The following ARHGEF10L variants were observed in gnomAD, a reference collection of about 807,000 sequenced individuals.
ARHGEF10L encodes Rho guanine nucleotide exchange factor 10 like.
ARHGEF10L carries 69 observed loss-of-function variants against 141.2 expected under a neutral mutation model. The observed-to-expected ratio is 0.49, with a 90% confidence interval of 0.40 to 0.60. The LOEUF (loss-of-function observed/expected upper bound fraction) is 0.60, where lower values mean the gene tolerates loss of function less well. Among genes scored for constraint, ARHGEF10L ranks in the 20% least tolerant of loss-of-function variants. The probability of loss-of-function intolerance (pLI) is 0.00; values close to 1 mark genes in which losing one functional copy is unlikely to be tolerated. For synonymous variants in ARHGEF10L, 711 were observed against 718.5 expected (o/e 0.99, Z 0.17); for missense variants, 1,482 against 1,734.3 (o/e 0.85, Z 2.58).
At chr1:17,550,995 C>T (rs41530444) in intron 1 of ARHGEF10L, among the ~76,000 whole-genome samples, 6,583 of 152,068 alleles carry the variant, frequency 0.043, 493 homozygotes, top group African/African-American at 0.15. Flanking sequence ...AAGCGTCTCA[C>T]CTTATCGAAG....
At chr1:17,690,615 G>T (rs1245135281) in intron 27 of ARHGEF10L, among the ~76,000 whole-genome samples, 1 of 152,244 alleles carries the variant, frequency 6.6e-6, no homozygotes, top group East Asian at 1.9e-4. Context: ...CCTGGAGAAG[G>T]CTGGATGTAG....
rs115359073 is a variant in ARHGEF10L at position 17,622,818 on chromosome 1, G to A, written c.1021-178G>A. On this transcript the variant is annotated intron_variant, in intron 11 of 28. Transcript: ENST00000361221. ...TGGGGGTGTTGTGTGTGGCCAGTGAGGCCAGGGGTGTTATGGTGATGGAGA... is the reference window on the plus strand; with the variant it reads ...TGGGGGTGTTGTGTGTGGCCAGTGAAGCCAGGGGTGTTATGGTGATGGAGA... Among the ~76,000 whole-genome samples, 296 of 152,298 alleles carry A rather than the reference G, an allele frequency of 1.9e-3. 2 individuals are homozygous for A. The highest frequency in any genetic ancestry group is 6.8e-3 in the African/African-American group (282 of 41,576).
In ARHGEF10L at chr1:17,601,928, G is replaced by A. The variant is rs76163641; in HGVS notation, c.258-199G>A. Among the ~76,000 whole-genome samples, 25 of 152,286 alleles carry A rather than the reference G, an allele frequency of 1.6e-4. No homozygotes were observed. In the East Asian group the frequency reaches 4.3e-3, roughly 26 times the overall value. On this transcript the variant is annotated intron_variant, in intron 4 of 28. Coordinates refer to ENST00000361221, the MANE Select transcript of ARHGEF10L (RefSeq NM_018125.4). ...GTTGATCTTCATGCTCTTGTGAAGT[G>A]CCAGCCCAACCTTATGCACGCCTTC...
In ARHGEF10L at chr1:17,648,580, T is replaced by G. The variant is rs2061730040; in HGVS notation, c.2299T>G (p.Cys767Gly). The stretch of plus-strand genomic sequence containing the variant: ...GGAGGAGAACCAGCCAGGCTGGCTA[T>G]GCCCGGATGAGGACAAGAAGAGCAA... ...LREENQPGWL[C>G]PDEDKKSKAP... Residue 767 changes from cysteine (C) to glycine (G), a missense_variant, in exon 22 of 29, where the codon TGC becomes GGC. Physicochemically the swap from Cys to Gly is radical, Grantham distance 159. Transcript: ENST00000361221. The G allele has an allele frequency of 1.2e-6, 2 of 1,613,798 alleles. No homozygotes were observed. Among genetic ancestry groups the G allele is most frequent in the Non-Finnish European group, 1.7e-6 (2 of 1,180,022 alleles).
intron 1 of ARHGEF10L, among the ~76,000 whole-genome samples, chr1:17,561,192 A>C (rs1039915431): frequency 6.6e-6 from 1 of 152,238 alleles, no homozygotes; most frequent in Non-Finnish European, 1.5e-5. Flanking sequence ...CCAGAACCTC[A>C]GATGACTGTC....
chr1:17,590,088 G>A (rs1263130569), intron 4 of ARHGEF10L, among the ~76,000 whole-genome samples: 1 of 152,126 alleles, frequency 6.6e-6, no homozygotes, highest in Non-Finnish European at 1.5e-5. Flanking sequence ...GGAGTTAGGT[G>A]ATGTGCTCAG....
chr1:17,672,108 C>T (rs1204128841), intron 26 of ARHGEF10L, among the ~76,000 whole-genome samples: 1 of 152,164 alleles, frequency 6.6e-6, no homozygotes, highest in Admixed American at 6.5e-5. Context: ...TACCGGCTCT[C>T]ATGCTTTTTG....
chr1:17,545,250 T>C (rs1171474332), intron 1 of ARHGEF10L, among the ~76,000 whole-genome samples: 1 of 152,140 alleles, frequency 6.6e-6, no homozygotes, highest in Non-Finnish European at 1.5e-5. Flanking sequence ...CAGAATCTTT[T>C]CCCCTGAAGA....
At chr1:17,563,694 G>T (rs530923800) in intron 1 of ARHGEF10L, among the ~76,000 whole-genome samples, 29 of 152,290 alleles carry the variant, frequency 1.9e-4, no homozygotes, top group African/African-American at 6.7e-4. Flanking sequence ...CACCCAGTTT[G>T]CAGATGAATA....
chr1:17,611,533 T>TATCCATCC (rs56751222), intron 7 of ARHGEF10L, among the ~76,000 whole-genome samples: 2,578 of 150,752 alleles, frequency 0.017, 44 homozygotes, highest in African/African-American at 0.037. Flanking sequence ...TCTGTCTGTA[T>TATCCATCC]ATCCATCCAT....
At chr1:17,522,621 T>C in the ARHGEF10L span, among the ~76,000 whole-genome samples, 1 of 152,014 alleles carries the variant, frequency 6.6e-6, no homozygotes, top group Non-Finnish European at 1.5e-5. Context: ...CCCTGGCTTT[T>C]GGCCCCTAAA....
chr1:17,682,005 A>G (rs1170530875), intron 26 of ARHGEF10L, among the ~76,000 whole-genome samples: 2 of 151,300 alleles, frequency 1.3e-5, no homozygotes, highest in Non-Finnish European at 2.9e-5. Context: ...AAAAAAATCC[A>G]GCGTGCTCTA....
chr1:17,626,116 G>T, intron 14 of ARHGEF10L, 68 bp downstream of exon 14: 2 of 1,419,170 alleles, frequency 1.4e-6, no homozygotes, highest in Non-Finnish European at 2.0e-6. Flanking sequence ...TGCCTCCTGG[G>T]GTAGGAGGGA....
rs984222166 is a variant in ARHGEF10L, at chr1:17,652,281, GC to G, written c.2395-2351del. On this transcript the variant is annotated intron_variant, in intron 22 of 28. Transcript: ENST00000361221. ...AGGTCTCTTGTCTGTGCTGACAGTG[GC>G]CCCTGCCCACGCTGGGCCACACCAA... is the stretch of plus-strand genomic sequence containing the variant. Among the ~76,000 whole-genome samples, 11 of 152,168 alleles carry G rather than the reference GC, an allele frequency of 7.2e-5. 1 individual carries two copies. Among genetic ancestry groups the G allele is most frequent in the African/African-American group, 2.7e-4 (11 of 41,428 alleles).
the ARHGEF10L span, among the ~76,000 whole-genome samples, chr1:17,515,692 G>A: frequency 3.3e-5 from 5 of 151,486 alleles, no homozygotes; most frequent in Non-Finnish European, 5.9e-5. Flanking sequence ...ACTCAAGCTA[G>A]GGTACAGTGA....
chr1:17,645,800 C>T (rs2061565138), intron 21 of ARHGEF10L, among the ~76,000 whole-genome samples: 1 of 152,236 alleles, frequency 6.6e-6, no homozygotes, highest in Non-Finnish European at 1.5e-5. Context: ...TTTCCCCTTT[C>T]CTCTGCTGGC....
At chr1:17,634,708 G>A in intron 17 of ARHGEF10L, 127 bp from the exon 18 acceptor site, 1 of 1,461,708 alleles carries the variant, frequency 6.8e-7, no homozygotes, top group South Asian at 1.3e-5. Context: ...CTTGGTTTTG[G>A]TCTGAGGTCT....
intron 8 of ARHGEF10L, among the ~76,000 whole-genome samples, chr1:17,613,777 T>G (rs2059662892): frequency 1.3e-5 from 2 of 152,272 alleles, no homozygotes. Context: ...GCTAAAGGCA[T>G]GGACTTTCGA....
At position 17,627,247 on chromosome 1, in the gene ARHGEF10L, G is replaced by C. The variant is rs2060438108; in HGVS notation, c.1411-83G>C. On this transcript the variant is annotated intron_variant, in intron 14 of 28. Coordinates refer to ENST00000361221, the MANE Select transcript of ARHGEF10L (RefSeq NM_018125.4). The surrounding 1 kb of genome is among the most constrained non-coding windows in gnomAD (Gnocchi z 4.0). ...CTTTGCAGACCCAGTGTGTGTAGGG[G>C]GTTGCGCAGGGTGAGGCTTTGCCCC... 7.2e-6 allele frequency: 11 copies of C among 1,531,482 alleles called. No homozygotes were observed. Among genetic ancestry groups the C allele is most frequent in the Non-Finnish European group, 9.8e-6 (11 of 1,122,702 alleles). 94.9% of individuals were successfully genotyped at this position (1,531,482 alleles called of 1,614,324 possible). A position where few individuals can be genotyped will look rare whatever the true frequency, so the allele number is the denominator to read the frequency against.
Sources: allele counts gnomAD v4.1 joint callset (sites outside exome capture counted in the v4.1 genomes callset), GRCh38; gene constraint gnomAD v4.1.1; non-coding constraint Gnocchi (gnomAD v3.1); transcripts MANE v1.5; gene names NCBI Gene and HGNC (gene_info 2026-07-23, HGNC 2026-07-21).